The following NBEA variants were observed in gnomAD, a reference collection of about 807,000 sequenced individuals.
NBEA encodes neurobeachin, also known as lysosomal-trafficking regulator 2.
Under a neutral mutation model 343.4 loss-of-function variants are expected in NBEA, and 44 were observed. The ratio of observed to expected loss-of-function variants is 0.13; its 90% CI spans 0.10 to 0.16. NBEA has a LOEUF of 0.16. NBEA is among the 10% of genes least tolerant of loss of function. The probability of loss-of-function intolerance (pLI) is 1.00; values close to 1 mark genes in which losing one functional copy is unlikely to be tolerated. For missense variants in NBEA, 2,555 were observed against 3,631.3 expected (o/e 0.70, Z 7.62); for synonymous variants, 1,175 against 1,238.7 (o/e 0.95, Z 1.08).
At chr13:35,318,047 T>C (rs551989978) in intron 36 of NBEA, among the ~76,000 whole-genome samples, 1 of 152,208 alleles carries the variant, frequency 6.6e-6, no homozygotes, top group African/African-American at 2.4e-5. Flanking sequence ...CATCTGCAAA[T>C]AGAAACGATT....
intron 49 of NBEA, among the ~76,000 whole-genome samples, chr13:35,637,490 C>T (rs965041106): frequency 2.0e-5 from 3 of 152,178 alleles, no homozygotes; most frequent in African/African-American, 7.2e-5. Context: ...TTCAAAGAGA[C>T]ATTTGTATAC....
At chr13:35,144,172 C>G (rs1312623018) in intron 18 of NBEA, among the ~76,000 whole-genome samples, 1 of 152,128 alleles carries the variant, frequency 6.6e-6, no homozygotes, top group Non-Finnish European at 1.5e-5. Context: ...AGTACACACT[C>G]AGGAAAGGGG....
chr13:35,352,901 G>A (rs1022079078), intron 38 of NBEA, among the ~76,000 whole-genome samples: 2 of 151,958 alleles, frequency 1.3e-5, no homozygotes, highest in African/African-American at 4.8e-5. Flanking sequence ...AAAGTTTTGT[G>A]GACATACAAT....
At chr13:35,557,805 C>T (rs1324113959) in intron 44 of NBEA, among the ~76,000 whole-genome samples, 2 of 151,932 alleles carry the variant, frequency 1.3e-5, no homozygotes, top group South Asian at 4.1e-4. Context: ...ATGAGCTTAG[C>T]AGAGGGGAGG....
intron 41 of NBEA, among the ~76,000 whole-genome samples, chr13:35,493,414 G>T (rs1594799861): frequency 6.6e-6 from 1 of 151,856 alleles, no homozygotes; most frequent in Non-Finnish European, 1.5e-5. Flanking sequence ...TATTTTAAAA[G>T]ACCCTAACAT....
chr13:35,669,277 G>A (rs779320820), intron 58 of NBEA, among the ~76,000 whole-genome samples: 38 of 152,096 alleles, frequency 2.5e-4, no homozygotes, highest in Non-Finnish European at 5.3e-4. Flanking sequence ...CTACAACCCT[G>A]TAATCTGAAT....
intron 51 of NBEA, 72 bp downstream of exon 51, chr13:35,646,420 G>T: frequency 1.9e-6 from 2 of 1,080,482 alleles, no homozygotes; most frequent in Non-Finnish European, 2.8e-6. Context: ...ATAAAATTGT[G>T]ATTTTAACAG....
intron 41 of NBEA, among the ~76,000 whole-genome samples, chr13:35,502,499 G>GT (rs199765383): frequency 0.033 from 4,819 of 145,852 alleles, 127 homozygotes; most frequent in Non-Finnish European, 0.049. Flanking sequence ...TTTTCCCTGG[G>GT]TTTTTTTTTT....
chr13:35,178,835 C>G (rs1171231082), intron 28 of NBEA, among the ~76,000 whole-genome samples: 1 of 151,390 alleles, frequency 6.6e-6, no homozygotes, highest in Non-Finnish European at 1.5e-5. Flanking sequence ...ACCATTCTTA[C>G]TGACAGTTTA....
Position 35,530,856 on chromosome 13 carries a change from T to G in NBEA, c.6586-19621T>G, listed in dbSNP as rs1016808595. Among the ~76,000 whole-genome samples the G allele has an allele frequency of 2.0e-5, 3 of 152,208 alleles. No individual in the cohort carries two copies. In the South Asian group the frequency reaches 6.2e-4, roughly 32 times the overall value. On this transcript the variant is annotated intron_variant, in intron 41 of 58. Coordinates refer to ENST00000379939, the MANE Select transcript of NBEA (RefSeq NM_001385012.1). ...CTACATGAAAACATAGGATCATTAC[T>G]AACAGTCTACACTGTCAAATACACT... is the stretch of plus-strand genomic sequence containing the variant.
intron 46 of NBEA, among the ~76,000 whole-genome samples, chr13:35,585,799 T>C (rs1377214147): frequency 6.6e-6 from 1 of 152,166 alleles, no homozygotes; most frequent in Admixed American, 6.6e-5. Flanking sequence ...GGGAAGCTTT[T>C]TCCTAGATAT....
chr13:35,560,212 T>C (rs896933983), intron 44 of NBEA, among the ~76,000 whole-genome samples: 1 of 134,698 alleles, frequency 7.4e-6, no homozygotes, highest in African/African-American at 2.5e-5. Flanking sequence ...GCAGTTTAGC[T>C]CCAGAGTCTT....
Position 35,432,264 on chromosome 13 carries a change from C to G in NBEA, c.6180-5C>G. ...AGGGATTACTTTTTTTCCCTCTACT[C>G]TTAGCCAATTGCATGATTTCTGGCG... On this transcript the variant is annotated splice_region_variant and splice_polypyrimidine_tract_variant and intron_variant, in intron 38 of 58. Transcript: ENST00000379939. The G allele has an allele frequency of 6.3e-7, 1 of 1,594,832 alleles. No individual in the cohort carries two copies. The highest frequency in any genetic ancestry group is 8.6e-7 in the Non-Finnish European group (1 of 1,169,370).
chr13:35,352,082 A>C, intron 37 of NBEA, 75 bp from the exon 38 acceptor site: 1 of 906,382 alleles, frequency 1.1e-6, no homozygotes, highest in Non-Finnish European at 1.5e-6. Context: ...GTTACCGTTT[A>C]ACTTAAATGT....
At chr13:35,018,504 A>G (rs372578440) in intron 1 of NBEA, among the ~76,000 whole-genome samples, 1 of 152,090 alleles carries the variant, frequency 6.6e-6, no homozygotes, top group Non-Finnish European at 1.5e-5. Context: ...TGTATTATAA[A>G]TGATATTCTT....
intron 24 of NBEA, among the ~76,000 whole-genome samples, chr13:35,168,353 G>A (rs1200597636): frequency 6.6e-6 from 1 of 151,442 alleles, no homozygotes; most frequent in Non-Finnish European, 1.5e-5. Flanking sequence ...CTTAAACTTA[G>A]TATAATACCT....
At chr13:35,078,650 T>C (rs1340997267) in intron 10 of NBEA, among the ~76,000 whole-genome samples, 1 of 152,192 alleles carries the variant, frequency 6.6e-6, no homozygotes, top group African/African-American at 2.4e-5. Context: ...TATAATCTTC[T>C]TACTGAGATG....
At chr13:35,081,990 A>G (rs545688588) in intron 10 of NBEA, among the ~76,000 whole-genome samples, 22 of 152,104 alleles carry the variant, frequency 1.4e-4, no homozygotes, top group Admixed American at 1.4e-3. Flanking sequence ...ATATGTATAC[A>G]TGTGCCATGT....
At chr13:35,181,573 G>T (rs1417076003) in intron 28 of NBEA, among the ~76,000 whole-genome samples, 1 of 151,304 alleles carries the variant, frequency 6.6e-6, no homozygotes, top group Non-Finnish European at 1.5e-5. Context: ...TTTGTCGGAT[G>T]AATAGATTGT....
Sources: allele counts gnomAD v4.1 joint callset (sites outside exome capture counted in the v4.1 genomes callset), GRCh38; gene constraint gnomAD v4.1.1; transcripts MANE v1.5; gene names NCBI Gene and HGNC (gene_info 2026-07-23, HGNC 2026-07-21).